PRDM16: variants seen among roughly 807,000 people sequenced by gnomAD.
PRDM16 encodes histone-lysine N-methyltransferase PRDM16.
A neutral mutation model predicts 110.6 loss-of-function variants in PRDM16; 23 were observed. The ratio of observed to expected loss-of-function variants is 0.21; its 90% CI spans 0.15 to 0.29. The LOEUF (loss-of-function observed/expected upper bound fraction) is 0.29. PRDM16 is among the 10% of genes least tolerant of loss of function. The pLI, the probability that PRDM16 is intolerant of heterozygous loss-of-function variation, is 1.00. For missense variants in PRDM16, 1,615 were observed against 1,794.3 expected (o/e 0.90, Z 1.81); for synonymous variants, 799 against 781.8 (o/e 1.02, Z -0.37).
At chr1:3,374,415 C>T (rs1000758343) in intron 3 of PRDM16, among the ~76,000 whole-genome samples, 7 of 152,208 alleles carry the variant, frequency 4.6e-5, no homozygotes, top group African/African-American at 7.2e-5. Context: ...TTTTCAGAGG[C>T]GAAACATACC....
At chr1:3,357,155 C>G (rs1642620729) in intron 3 of PRDM16, among the ~76,000 whole-genome samples, 1 of 152,100 alleles carries the variant, frequency 6.6e-6, no homozygotes, top group African/African-American at 2.4e-5. Context: ...CTGTCTGGGG[C>G]CGGGCCCTGG....
At chr1:3,145,469 C>T (rs550540968) in intron 1 of PRDM16, among the ~76,000 whole-genome samples, 39 of 152,288 alleles carry the variant, frequency 2.6e-4, no homozygotes, top group East Asian at 1.4e-3. Flanking sequence ...GGGCCTTGGA[C>T]GGCAGCCTGG....
At chr1:3,154,238 C>T (rs555704675) in intron 1 of PRDM16, among the ~76,000 whole-genome samples, 21 of 152,276 alleles carry the variant, frequency 1.4e-4, no homozygotes, top group African/African-American at 2.9e-4. Flanking sequence ...CCTAAGTGGA[C>T]GGACTGGCGC....
At chr1:3,427,891 T>C (rs1483381498) in intron 14 of PRDM16, among the ~76,000 whole-genome samples, 8 of 152,146 alleles carry the variant, frequency 5.3e-5, no homozygotes, top group Admixed American at 5.2e-4. Flanking sequence ...AACTCTGCCC[T>C]GGCCACGCTG....
At chr1:3,428,533 A>G (rs1638682727) in intron 14 of PRDM16, among the ~76,000 whole-genome samples, 1 of 152,226 alleles carries the variant, frequency 6.6e-6, no homozygotes, top group Admixed American at 6.5e-5. Context: ...TGCTGAGGCA[A>G]GGTCCCCGGG....
intron 1 of PRDM16, among the ~76,000 whole-genome samples, chr1:3,155,881 G>C (rs1347854522): frequency 1.3e-5 from 2 of 152,230 alleles, no homozygotes; most frequent in Non-Finnish European, 2.9e-5. Flanking sequence ...TTCCTCTTCA[G>C]AGCTGCTCGG....
intron 3 of PRDM16, among the ~76,000 whole-genome samples, chr1:3,291,298 C>T (rs1202441758): frequency 2.0e-5 from 3 of 152,314 alleles, no homozygotes; most frequent in African/African-American, 2.4e-5. Flanking sequence ...GCATCACACA[C>T]ACCTGCGCTC....
intron 1 of PRDM16, among the ~76,000 whole-genome samples, chr1:3,173,511 G>A (rs777454588): frequency 3.3e-4 from 50 of 152,366 alleles, no homozygotes; most frequent in Non-Finnish European, 4.7e-4. Context: ...GTGGCCCTGC[G>A]TGAGGGCCAG....
At chr1:3,321,388 C>CTA (rs149177083) in intron 3 of PRDM16, among the ~76,000 whole-genome samples, 75,501 of 150,758 alleles carry the variant, frequency 0.5, 19,631 homozygotes, top group African/African-American at 0.67. Flanking sequence ...GTGTGGGTCT[C>CTA]TGTGAGTGTG....
chr1:3,396,550 G>C lies in PRDM16; in HGVS notation c.633G>C (p.Lys211Asn), dbSNP rs1224991988. 1.7e-5 allele frequency: 28 copies of C among 1,607,122 alleles called. No homozygotes were observed. The highest frequency in any genetic ancestry group is 1.7e-4 in the Middle Eastern group (1 of 5,946). The change falls in exon 5 of 17, where the codon AAG becomes AAC. Residue 211 changes from lysine (K) to asparagine (N), a missense_variant. Lys to Asn is a moderately conservative substitution (Grantham distance 94). Coordinates refer to ENST00000270722, the MANE Select transcript of PRDM16 (RefSeq NM_022114.4). ...EPGEELLVHV[K>N]EGVYPLGTVP... ...GTGAGGAGCTGCTGGTGCACGTGAA[G>C]GAAGGCGTCTACCCCCTGGGCACAG...
At chr1:3,184,348 T>C (rs556057380) in intron 1 of PRDM16, among the ~76,000 whole-genome samples, 24 of 152,152 alleles carry the variant, frequency 1.6e-4, no homozygotes, top group African/African-American at 5.8e-4. Context: ...TTAAAAGTTC[T>C]GGTCTCCTTA....
At position 3,213,324 on chromosome 1, in the gene PRDM16, T is replaced by G. The variant is rs372154525; in HGVS notation, c.387+26850T>G. On this transcript the variant is annotated intron_variant, in intron 2 of 16. Transcript: ENST00000270722. This position sits in a 1 kb window ranked among gnomAD's most constrained non-coding sequence, Gnocchi z 5.3. ...ATAGAGACAACCATTTCTGCTTAATTTGCTGACACAAATCACCCTAACTAT... is the reference window on the plus strand; with the variant it reads ...ATAGAGACAACCATTTCTGCTTAATGTGCTGACACAAATCACCCTAACTAT... Among the ~76,000 whole-genome samples, 1 of 151,896 alleles carries G rather than the reference T, an allele frequency of 6.6e-6. No homozygotes were observed. The highest frequency in any genetic ancestry group is 2.4e-5 in the African/African-American group (1 of 41,320).
intron 3 of PRDM16, among the ~76,000 whole-genome samples, chr1:3,333,636 G>T (rs775530500): frequency 2.1e-5 from 3 of 141,780 alleles, no homozygotes; most frequent in Non-Finnish European, 4.4e-5. Context: ...CGCGGCTAAG[G>T]TCACAGATGT....
rs920551970 is a variant in PRDM16 at position 3,436,490 on chromosome 1, C to T, written c.*2679C>T. ...GCCCAGTTTCTCCTGAGCATTCAGA[C>T]CCCCAGGCCCCAGCACTTGGCGTTT... On this transcript the variant is annotated 3_prime_UTR_variant, in exon 17 of 17. Transcript: ENST00000270722. 7 of 231,732 alleles carry T rather than the reference C, an allele frequency of 3.0e-5. No individual in the cohort carries two copies. Among genetic ancestry groups the T allele is most frequent in the African/African-American group, 1.5e-4 (7 of 45,238 alleles). 14.4% of individuals were successfully genotyped at this position (231,732 alleles called of 1,614,324 possible). A position where few individuals can be genotyped will look rare whatever the true frequency, so the allele number is the denominator to read the frequency against.
At chr1:3,298,321 G>C (rs1472973847) in intron 3 of PRDM16, among the ~76,000 whole-genome samples, 1 of 152,228 alleles carries the variant, frequency 6.6e-6, no homozygotes, top group Non-Finnish European at 1.5e-5. Flanking sequence ...GAGCCTGTCT[G>C]CCTCCTTGAA....
At position 3,122,632 on chromosome 1, in the gene PRDM16, G is replaced by T. The variant is rs188952532; in HGVS notation, c.37+53336G>T. On this transcript the variant is annotated intron_variant, in intron 1 of 16. Transcript: ENST00000270722. Reference sequence around the variant, plus strand: ...ACGAGTGGAAAAAATGAACCGTCTCGACTCAGCAAATACCGCAGCCCTGCC... The same window carrying T: ...ACGAGTGGAAAAAATGAACCGTCTCTACTCAGCAAATACCGCAGCCCTGCC... 2.8e-3 allele frequency among the ~76,000 whole-genome samples: 419 copies of T among 152,142 alleles called. 5 individuals carry two copies. The highest frequency in any genetic ancestry group is 9.7e-3 in the African/African-American group (401 of 41,496).
At chr1:3,241,017 G>A (rs1639659529) in intron 2 of PRDM16, among the ~76,000 whole-genome samples, 2 of 152,250 alleles carry the variant, frequency 1.3e-5, no homozygotes, top group Non-Finnish European at 2.9e-5. Flanking sequence ...GTGTGCTGAG[G>A]GCCCAGCTAG....
At chr1:3,376,396 C>T (rs556603533) in intron 3 of PRDM16, among the ~76,000 whole-genome samples, 3 of 152,362 alleles carry the variant, frequency 2.0e-5, no homozygotes, top group Admixed American at 2.0e-4. Flanking sequence ...CTTCTGCCCT[C>T]AGAGTCCCAC....
chr1:3,407,237 G>A (rs1157381956), intron 8 of PRDM16, among the ~76,000 whole-genome samples: 1 of 152,214 alleles, frequency 6.6e-6, no homozygotes, highest in Non-Finnish European at 1.5e-5. Context: ...CACCTGGGCT[G>A]TGCCCGTCCC....
Sources: allele counts gnomAD v4.1 joint callset (sites outside exome capture counted in the v4.1 genomes callset), GRCh38; gene constraint gnomAD v4.1.1; non-coding constraint Gnocchi (gnomAD v3.1); transcripts MANE v1.5; gene names NCBI Gene and HGNC (gene_info 2026-07-23, HGNC 2026-07-21).